B3GALT1: variants seen among roughly 807,000 people sequenced by gnomAD.
B3GALT1 encodes UDP-Gal:betaGlcNAc beta 1,3-galactosyltransferase, polypeptide 1.
Under a neutral mutation model 23.2 loss-of-function variants are expected in B3GALT1, and 10 were observed. The ratio of observed to expected loss-of-function variants is 0.43; its 90% confidence interval spans 0.27 to 0.73. The LOEUF (loss-of-function observed/expected upper bound fraction) is 0.73. B3GALT1 is among the 30% of genes least tolerant of loss of function. The pLI is 0.21. For missense variants in B3GALT1, 299 were observed against 405.4 expected (o/e 0.74, Z 2.25); for synonymous variants, 156 against 141.5 (o/e 1.10, Z -0.73).
intron 3 of B3GALT1, among the ~76,000 whole-genome samples, chr2:167,798,436 T>C (rs1017256599): frequency 6.6e-6 from 1 of 152,204 alleles, no homozygotes; most frequent in Non-Finnish European, 1.5e-5. Context: ...TTTAAGTCTT[T>C]AATCCATCTT....
chr2:167,498,136 G>A (rs1032851184), intron 2 of B3GALT1, among the ~76,000 whole-genome samples: 1 of 152,236 alleles, frequency 6.6e-6, no homozygotes, highest in Middle Eastern at 3.4e-3. Flanking sequence ...GTCTACACAC[G>A]CTTTGGCAAA....
chr2:167,557,905 A>C (rs1484368667), intron 2 of B3GALT1, among the ~76,000 whole-genome samples: 1 of 152,208 alleles, frequency 6.6e-6, no homozygotes, highest in Admixed American at 6.5e-5. Context: ...AACCTTTGCA[A>C]ACTGTGAGAT....
At chr2:167,341,440 A>G (rs150934524) in intron 1 of B3GALT1, among the ~76,000 whole-genome samples, 141 of 152,254 alleles carry the variant, frequency 9.3e-4, no homozygotes, top group African/African-American at 3.3e-3. Flanking sequence ...GGTGGGCAGA[A>G]CACTTCAGGT....
rs10522850 is a variant in B3GALT1 at position 167,625,942 on chromosome 2, CATATATATATAT to C, written c.-409-20934_-409-20923del. On this transcript the variant is annotated intron_variant, in intron 2 of 4. Coordinates refer to ENST00000392690, the MANE Select transcript of B3GALT1 (RefSeq NM_020981.4). ...ATGACAGAAAAATCAATGACTAGGCCATATATATATATATATATATATATATATATATATATA... is the reference window on the plus strand; with the variant it reads ...ATGACAGAAAAATCAATGACTAGGCCATATATATATATATATATATATATA... Among the ~76,000 whole-genome samples the C allele has an allele frequency of 1.1e-3, 126 of 118,438 alleles. 5 individuals are homozygous for C. The highest frequency in any genetic ancestry group is 4.1e-3 in the African/African-American group (113 of 27,662). 77.7% of individuals were successfully genotyped at this position (118,438 alleles called of 152,430 possible).
intron 4 of B3GALT1, among the ~76,000 whole-genome samples, chr2:167,824,417 A>G (rs753153569): frequency 2.6e-5 from 4 of 152,260 alleles, no homozygotes; most frequent in Non-Finnish European, 5.9e-5. Context: ...AAGATAAGAG[A>G]TACCCATAGC....
chr2:167,475,832 C>A (rs1289762135), intron 1 of B3GALT1, among the ~76,000 whole-genome samples: 1 of 152,036 alleles, frequency 6.6e-6, no homozygotes, highest in Non-Finnish European at 1.5e-5. Context: ...TTCTGAAGGC[C>A]ATGAGGGAGA....
chr2:167,523,959 T>G (rs1683176060), intron 2 of B3GALT1, among the ~76,000 whole-genome samples: 1 of 152,204 alleles, frequency 6.6e-6, no homozygotes, highest in African/African-American at 2.4e-5. Flanking sequence ...TTTCAAATTT[T>G]TATTCTTATA....
At chr2:167,545,229 G>A (rs143682333) in intron 2 of B3GALT1, among the ~76,000 whole-genome samples, 7,017 of 151,622 alleles carry the variant, frequency 0.046, 332 homozygotes, top group African/African-American at 0.12. Flanking sequence ...TAGAGACAGG[G>A]TTTCACTGTG....
Position 167,616,240 on chromosome 2 carries a change from G to A in B3GALT1, c.-409-30669G>A, listed in dbSNP as rs888266524. Among the ~76,000 whole-genome samples, 13 of 152,086 alleles carry A rather than the reference G, an allele frequency of 8.5e-5. No individual in the cohort carries two copies. In the East Asian group the frequency reaches 2.5e-3, roughly 30 times the overall value. On this transcript the variant is annotated intron_variant, in intron 2 of 4. Transcript: ENST00000392690. Reference sequence around the variant, plus strand: ...AATCTCCTGAAGAGTGTGGTAATAGGAACTCTTATGTTGATAGATAAGTAC... The same window carrying A: ...AATCTCCTGAAGAGTGTGGTAATAGAAACTCTTATGTTGATAGATAAGTAC...
At chr2:167,774,755 CAA>C (rs1329094437) in intron 3 of B3GALT1, among the ~76,000 whole-genome samples, 2 of 152,010 alleles carry the variant, frequency 1.3e-5, no homozygotes, top group Non-Finnish European at 2.9e-5. Context: ...CTCAGCCTCC[CAA>C]AGTGCTGGGA....
intron 2 of B3GALT1, among the ~76,000 whole-genome samples, chr2:167,610,924 A>AAT (rs1685052797): frequency 6.7e-6 from 1 of 150,054 alleles, no homozygotes; most frequent in Non-Finnish European, 1.5e-5. Flanking sequence ...AAAAAAAAAA[A>AAT]AAAGAGAGAG....
chr2:167,739,312 A>G (rs947417208), intron 3 of B3GALT1, among the ~76,000 whole-genome samples: 11 of 152,192 alleles, frequency 7.2e-5, no homozygotes, highest in Non-Finnish European at 1.6e-4. Context: ...AGTTTAAATA[A>G]TCCCTCAGAT....
At chr2:167,835,654 C>A (rs1456177563) in intron 4 of B3GALT1, among the ~76,000 whole-genome samples, 1 of 152,176 alleles carries the variant, frequency 6.6e-6, no homozygotes, top group Admixed American at 6.5e-5. Flanking sequence ...CTTAAATGTC[C>A]CTGTCTGACA....
At chr2:167,857,678 A>G (rs943074339) in intron 4 of B3GALT1, among the ~76,000 whole-genome samples, 2 of 152,106 alleles carry the variant, frequency 1.3e-5, no homozygotes, top group Admixed American at 6.6e-5. Flanking sequence ...CAGCATTTTC[A>G]TCTGATTGGC....
At chr2:167,832,982 A>G (rs975939853) in intron 4 of B3GALT1, among the ~76,000 whole-genome samples, 5 of 152,232 alleles carry the variant, frequency 3.3e-5, no homozygotes, top group Admixed American at 1.3e-4. Flanking sequence ...CTAAGTAGAA[A>G]TGGGAAGCAA....
At chr2:167,304,865 T>C (rs888841102) in intron 1 of B3GALT1, among the ~76,000 whole-genome samples, 1 of 152,120 alleles carries the variant, frequency 6.6e-6, no homozygotes, top group Non-Finnish European at 1.5e-5. Context: ...GAATCAATAG[T>C]GTAAATTTAT....
intron 2 of B3GALT1, among the ~76,000 whole-genome samples, chr2:167,528,909 C>T (rs1683270687): frequency 6.6e-6 from 1 of 152,108 alleles, no homozygotes; most frequent in African/African-American, 2.4e-5. Flanking sequence ...TCTGGCTTCT[C>T]TGCTCCCTTT....
chr2:167,587,427 A>G (rs1034899888), intron 2 of B3GALT1, among the ~76,000 whole-genome samples: 1 of 152,202 alleles, frequency 6.6e-6, no homozygotes, highest in Non-Finnish European at 1.5e-5. Context: ...CAAACTTATT[A>G]TTATACTCAT....
rs368803246 is a variant in B3GALT1 at position 167,825,320 on chromosome 2, A to AAACTT, written c.-230+6529_-230+6533dup. On this transcript the variant is annotated intron_variant, in intron 4 of 4. Coordinates refer to ENST00000392690, the MANE Select transcript of B3GALT1 (RefSeq NM_020981.4). ...AAAAACAGAAAAAAGAAAACAAGCAAAACTTAGAGTGAGAAGAAAAGAAGG... is the reference window on the plus strand; with the variant it reads ...AAAAACAGAAAAAAGAAAACAAGCAAAACTTAACTTAGAGTGAGAAGAAAAGAAGG... Among the ~76,000 whole-genome samples, 870 of 149,102 alleles carry AAACTT rather than the reference A, an allele frequency of 5.8e-3. 12 individuals are homozygous for AAACTT. The highest frequency in any genetic ancestry group is 0.021 in the African/African-American group (833 of 40,214).
Sources: allele counts gnomAD v4.1 joint callset (sites outside exome capture counted in the v4.1 genomes callset), GRCh38; gene constraint gnomAD v4.1.1; transcripts MANE v1.5; gene names NCBI Gene and HGNC (gene_info 2026-07-23, HGNC 2026-07-21).